The following AGMO variants were observed in gnomAD, a reference collection of about 807,000 sequenced individuals.
AGMO encodes the protein alkylglycerol monooxygenase.
AGMO carries 75 observed loss-of-function variants against 60.2 expected under a neutral mutation model. That is an observed-to-expected ratio of 1.25 (90% CI 1.03 to 1.51). AGMO has a LOEUF of 1.51. Among genes scored for constraint, AGMO ranks in the 40% most tolerant of loss-of-function variants. The probability of loss-of-function intolerance (pLI) is 0.00; values close to 1 mark genes in which losing one functional copy is unlikely to be tolerated. For missense variants in AGMO, 763 were observed against 525.5 expected (o/e 1.45, Z -4.42); for synonymous variants, 261 against 177.1 (o/e 1.47, Z -3.76).
intron 6 of AGMO, among the ~76,000 whole-genome samples, chr7:15,391,238 T>C (rs1376986041): frequency 6.6e-6 from 1 of 152,050 alleles, no homozygotes; most frequent in Non-Finnish European, 1.5e-5. Flanking sequence ...ATACCAAAAA[T>C]TATAAATGAG....
chr7:15,180,695 AC>A, the AGMO span, among the ~76,000 whole-genome samples: 3 of 152,168 alleles, frequency 2.0e-5, no homozygotes, highest in Non-Finnish European at 2.9e-5. Context: ...TCTATTCATT[AC>A]CCATTTCCAA....
At chr7:15,367,398 C>T (rs1471052443) in intron 10 of AGMO, among the ~76,000 whole-genome samples, 1 of 151,852 alleles carries the variant, frequency 6.6e-6, no homozygotes, top group East Asian at 1.9e-4. Flanking sequence ...GTTTCTTGTA[C>T]TTTAATTTTG....
At chr7:15,277,437 C>G (rs552078356) in intron 12 of AGMO, among the ~76,000 whole-genome samples, 72 of 152,216 alleles carry the variant, frequency 4.7e-4, no homozygotes, top group African/African-American at 1.5e-3. Context: ...TCATGACATT[C>G]AGATTTCTCA....
intron 12 of AGMO, among the ~76,000 whole-genome samples, chr7:15,256,795 T>C (rs2095682577): frequency 6.6e-6 from 1 of 152,172 alleles, no homozygotes; most frequent in African/African-American, 2.4e-5. Context: ...AGGTGTGTAG[T>C]AGGCTATTCC....
At chr7:15,488,712 C>G (rs1002166375) in intron 3 of AGMO, among the ~76,000 whole-genome samples, 3 of 151,984 alleles carry the variant, frequency 2.0e-5, no homozygotes, top group African/African-American at 7.2e-5. Context: ...TTTGGATTAT[C>G]ACAAACTATT....
chr7:15,379,785 T>G (rs984844456), intron 10 of AGMO, among the ~76,000 whole-genome samples: 6 of 152,002 alleles, frequency 3.9e-5, no homozygotes, highest in East Asian at 1.9e-4. Flanking sequence ...AAACCAAATC[T>G]AGCATCACAT....
At chr7:15,455,391 C>A (rs1235776095) in intron 3 of AGMO, among the ~76,000 whole-genome samples, 1 of 152,012 alleles carries the variant, frequency 6.6e-6, no homozygotes, top group East Asian at 1.9e-4. Context: ...TATTTTTGGA[C>A]ATCATTTATG....
intron 3 of AGMO, among the ~76,000 whole-genome samples, chr7:15,525,557 G>A (rs947527505): frequency 4.6e-5 from 7 of 152,058 alleles, no homozygotes; most frequent in Middle Eastern, 3.2e-3. Context: ...CTGTTTCATT[G>A]TTCAAAAAAA....
At chr7:15,156,364 G>A in the AGMO span, among the ~76,000 whole-genome samples, 32 of 152,264 alleles carry the variant, frequency 2.1e-4, no homozygotes, top group African/African-American at 7.7e-4. Flanking sequence ...TGGCGGATAG[G>A]GGGTGCTCAG....
intron 12 of AGMO, among the ~76,000 whole-genome samples, chr7:15,260,422 G>A (rs565046919): frequency 6.6e-6 from 1 of 151,504 alleles, no homozygotes; most frequent in South Asian, 2.1e-4. Context: ...AGACAGAGAG[G>A]GATATAATAT....
chr7:15,506,869 G>C (rs540269922), intron 3 of AGMO, among the ~76,000 whole-genome samples: 6 of 151,946 alleles, frequency 3.9e-5, no homozygotes, highest in African/African-American at 1.4e-4. Context: ...AATGCTGTGA[G>C]ACTTAGAGAG....
At chr7:15,141,831 A>G in the AGMO span, among the ~76,000 whole-genome samples, 2 of 152,320 alleles carry the variant, frequency 1.3e-5, no homozygotes, top group African/African-American at 4.8e-5. Flanking sequence ...GTTTTTGTCA[A>G]ATATTATTCT....
intron 3 of AGMO, among the ~76,000 whole-genome samples, chr7:15,517,531 T>C (rs1157483839): frequency 6.6e-6 from 1 of 150,736 alleles, no homozygotes; most frequent in East Asian, 2.0e-4. Flanking sequence ...AGAAGCAGGG[T>C]GGGGCATCGC....
intron 2 of AGMO, among the ~76,000 whole-genome samples, chr7:15,547,800 G>A (rs1283909176): frequency 6.6e-6 from 1 of 151,894 alleles, no homozygotes; most frequent in Non-Finnish European, 1.5e-5. Context: ...AGCTCCAACT[G>A]GGTGGAACCC....
chr7:15,365,370 T>C, intron 12 of AGMO, 144 bp downstream of exon 12: 1 of 273,104 alleles, frequency 3.7e-6, no homozygotes, highest in Non-Finnish European at 5.9e-6. Context: ...AACTAACAAG[T>C]ACTGGTAAGT....
chr7:15,262,890 GA>G (rs1783315368), intron 12 of AGMO, among the ~76,000 whole-genome samples: 1 of 152,034 alleles, frequency 6.6e-6, no homozygotes, highest in Non-Finnish European at 1.5e-5. Context: ...GTAGAAGAAT[GA>G]AACTGGATCC....
chr7:15,455,884 T>G (rs1781987416), intron 3 of AGMO, among the ~76,000 whole-genome samples: 1 of 152,112 alleles, frequency 6.6e-6, no homozygotes, highest in South Asian at 2.1e-4. Flanking sequence ...AGCATTTAAG[T>G]CGAGATTTTT....
At chr7:15,492,134 G>A (rs1783082565) in intron 3 of AGMO, among the ~76,000 whole-genome samples, 1 of 152,096 alleles carries the variant, frequency 6.6e-6, no homozygotes, top group East Asian at 1.9e-4. Context: ...GTCCAGGATT[G>A]TAAATAGGGA....
At chr7:15,150,300 T>C in the AGMO span, among the ~76,000 whole-genome samples, 2 of 152,160 alleles carry the variant, frequency 1.3e-5, no homozygotes, top group East Asian at 3.9e-4. Flanking sequence ...TTTATTTATC[T>C]TGCCTGATTG....
Sources: allele counts gnomAD v4.1 joint callset (sites outside exome capture counted in the v4.1 genomes callset), GRCh38; gene constraint gnomAD v4.1.1; transcripts MANE v1.5; gene names NCBI Gene and HGNC (gene_info 2026-07-23, HGNC 2026-07-21).